IL18R1: variants seen among roughly 807,000 people sequenced by gnomAD.
The protein encoded by IL18R1 is interleukin-18 receptor 1.
Under a neutral mutation model 48.5 loss-of-function variants are expected in IL18R1, and 40 were observed. That is an observed-to-expected ratio of 0.82 (90% confidence interval 0.64 to 1.07). The LOEUF is 1.07. IL18R1 is among the 50% of genes least tolerant of loss of function. The pLI is 0.00. For missense variants in IL18R1, 596 were observed against 633.7 expected, an observed-to-expected ratio of 0.94 and a Z score of 0.64; for synonymous variants, 232 against 225.9, an observed-to-expected ratio of 1.03 and a Z score of -0.24.
At chr2:102,365,017 T>G (rs1286376822) in intron 2 of IL18R1, among the ~76,000 whole-genome samples, 1 of 152,110 alleles carries the variant, frequency 6.6e-6, no homozygotes, top group African/African-American at 2.4e-5. Flanking sequence ...TCAAGATGAT[T>G]TGGGTTGGGG....
At position 102,381,613 on chromosome 2, in the gene IL18R1, C is replaced by T. The variant is rs1326066042; in HGVS notation, c.626-7C>T. 1 of 1,609,972 alleles carries T rather than the reference C, an allele frequency of 6.2e-7. No individual in the cohort carries two copies. ...AATACATTTGTCTTTTCTTTTGTCA[C>T]TTCTAGATCGCAGTAATATAGTTCC... On this transcript the variant is annotated splice_region_variant and splice_polypyrimidine_tract_variant and intron_variant, in intron 5 of 10. Coordinates refer to ENST00000233957, the MANE Select transcript of IL18R1 (RefSeq NM_003855.5).
Position 102,356,355 on chromosome 2 carries a change from G to A in IL18R1, c.-74G>A. ...TCCGCAGTCGCGACCTGGCGTGAAG[G>A]AGGAGCTGCCGCCCCCGCCCCAGCC... is the stretch of plus-strand genomic sequence containing the variant. On this transcript the variant is annotated 5_prime_UTR_variant, in exon 1 of 11. Coordinates refer to ENST00000233957, the MANE Select transcript of IL18R1 (RefSeq NM_003855.5). 4.1e-6 allele frequency: 4 copies of A among 985,288 alleles called. No homozygotes were observed. The highest frequency in any genetic ancestry group is 4.8e-6 in the Non-Finnish European group (4 of 829,914). 61.0% of individuals were successfully genotyped at this position (985,288 alleles called of 1,614,324 possible). A position where few individuals can be genotyped will look rare whatever the true frequency, so the allele number is the denominator to read the frequency against.
At chr2:102,370,155 C>A (rs953753164) in intron 3 of IL18R1, among the ~76,000 whole-genome samples, 2 of 152,116 alleles carry the variant, frequency 1.3e-5, no homozygotes, top group Non-Finnish European at 2.9e-5. Context: ...TCAGTGTTAA[C>A]CCTAGCCTTG....
At chr2:102,391,024 C>G (rs1469456330) in intron 9 of IL18R1, among the ~76,000 whole-genome samples, 1 of 150,720 alleles carries the variant, frequency 6.6e-6, no homozygotes, top group Non-Finnish European at 1.5e-5. Context: ...CAGTTTTTAT[C>G]TGCTACTATG....
Position 102,396,593 on chromosome 2 carries a change from A to C in IL18R1, c.1333A>C (p.Lys445Gln). Residue 445 changes from lysine (K) to glutamine (Q), a missense_variant, in exon 11 of 11, where the codon AAA becomes CAA. Physicochemically the swap from Lys to Gln is moderately conservative, Grantham distance 53. Transcript: ENST00000233957. ...CCGAAGACTAATCATTGTCCTAAGT[A>C]AAAGTTATATGTCTAATGAGGTCAG... is the stretch of plus-strand genomic sequence containing the variant. ...KSRRLIIVLS[K>Q]SYMSNEVRYE... 6.2e-7 allele frequency: 1 copy of C among 1,612,930 alleles called. No individual in the cohort carries two copies. The highest frequency in any genetic ancestry group is 8.5e-7 in the Non-Finnish European group (1 of 1,179,556).
intron 1 of IL18R1, among the ~76,000 whole-genome samples, chr2:102,360,737 G>A (rs768172814): frequency 5.3e-5 from 8 of 152,152 alleles, no homozygotes; most frequent in Admixed American, 2.6e-4. Context: ...TAAGAGTTAC[G>A]GAAAAGCAAA....
rs1190968047 is a variant in IL18R1 at position 102,397,539 on chromosome 2, T to C, written c.*653T>C. ...TGTGGATCTATTTATGGGAACTTCT[T>C]AAAAGGACCCCAGAATAGCTCTTTA... On this transcript the variant is annotated 3_prime_UTR_variant, in exon 11 of 11. Coordinates refer to ENST00000233957, the MANE Select transcript of IL18R1 (RefSeq NM_003855.5). 3.3e-5 allele frequency: 5 copies of C among 152,374 alleles called. 1 individual carries two copies. Among genetic ancestry groups the C allele is most frequent in the Admixed American group, 2.6e-4 (4 of 15,286 alleles). The allele number at this position is 152,374 out of a possible 1,614,324, so 9.4% of individuals were successfully genotyped here.
chr2:102,357,868 G>A (rs56179005), intron 1 of IL18R1, among the ~76,000 whole-genome samples: 26,704 of 152,020 alleles, frequency 0.18, 2,695 homozygotes, highest in African/African-American at 0.27. Context: ...TATTTTGTTT[G>A]TTAGAGTTTA....
intron 2 of IL18R1, among the ~76,000 whole-genome samples, chr2:102,367,326 C>T (rs562721845): frequency 1.3e-5 from 2 of 152,238 alleles, no homozygotes; most frequent in African/African-American, 4.8e-5. Context: ...CCCACACTTA[C>T]CAGGGAATGT....
Position 102,397,251 on chromosome 2 carries a change from G to T in IL18R1, c.*365G>T, listed in dbSNP as rs1379435016. The T allele has an allele frequency of 5.5e-6, 1 of 182,630 alleles. No homozygotes were observed. Among genetic ancestry groups the T allele is most frequent in the Non-Finnish European group, 1.1e-5 (1 of 88,434 alleles). The allele number at this position is 182,630 out of a possible 1,614,324, so 11.3% of individuals were successfully genotyped here. On this transcript the variant is annotated 3_prime_UTR_variant, in exon 11 of 11. Coordinates refer to ENST00000233957, the MANE Select transcript of IL18R1 (RefSeq NM_003855.5). ...CGCATCTTTAAGAGTTTTAATGCCAGTGCTTAATTCGAATGAGGGGATTTT... is the reference window on the plus strand; with the variant it reads ...CGCATCTTTAAGAGTTTTAATGCCATTGCTTAATTCGAATGAGGGGATTTT...
chr2:102,359,141 C>T (rs968524726), intron 1 of IL18R1, among the ~76,000 whole-genome samples: 1 of 151,988 alleles, frequency 6.6e-6, no homozygotes, highest in East Asian at 1.9e-4. Flanking sequence ...GTCAGCAAAC[C>T]GTAGGGGAAA....
At chr2:102,389,019 T>A (rs1363475507) in intron 8 of IL18R1, among the ~76,000 whole-genome samples, 1 of 152,176 alleles carries the variant, frequency 6.6e-6, no homozygotes, top group African/African-American at 2.4e-5. Context: ...TATATGCATG[T>A]ATATATACAC....
intron 1 of IL18R1, among the ~76,000 whole-genome samples, chr2:102,357,464 C>T (rs542675284): frequency 1.3e-5 from 2 of 149,558 alleles, no homozygotes. Flanking sequence ...GCACTCCAGC[C>T]TGGGCGACAG....
chr2:102,373,570 C>T (rs1180429470), intron 4 of IL18R1, among the ~76,000 whole-genome samples: 1 of 151,854 alleles, frequency 6.6e-6, no homozygotes, highest in Non-Finnish European at 1.5e-5. Context: ...ATGTAACAAA[C>T]CTGCACATTC....
chr2:102,376,607 G>T (rs556719225), intron 5 of IL18R1, among the ~76,000 whole-genome samples: 1 of 152,300 alleles, frequency 6.6e-6, no homozygotes, highest in Admixed American at 6.5e-5. Flanking sequence ...GGGTCTTGGA[G>T]GGGGAGCCTC....
chr2:102,391,899 G>A (rs763892497), intron 9 of IL18R1, among the ~76,000 whole-genome samples: 1 of 151,584 alleles, frequency 6.6e-6, no homozygotes, highest in Admixed American at 6.6e-5. Flanking sequence ...GTTCCATGGG[G>A]CAATGGCTTT....
intron 9 of IL18R1, among the ~76,000 whole-genome samples, chr2:102,394,177 C>T (rs1378542614): frequency 1.3e-5 from 2 of 152,080 alleles, no homozygotes; most frequent in South Asian, 2.1e-4. Context: ...CCTTTGGGCT[C>T]TTGGCCTTCT....
At chr2:102,388,050 C>CACAGACACACACAAACATGCAGAG in intron 8 of IL18R1, among the ~76,000 whole-genome samples, 1 of 152,220 alleles carries the variant, frequency 6.6e-6, no homozygotes, top group African/African-American at 2.4e-5. Flanking sequence ...GAGAGATACA[C>CACAGACACACACAAACATGCAGAG]ACAGACACAC....
intron 5 of IL18R1, among the ~76,000 whole-genome samples, chr2:102,378,475 ATTC>A (rs1169967483): frequency 6.6e-6 from 1 of 152,188 alleles, no homozygotes; most frequent in African/African-American, 2.4e-5. Flanking sequence ...AGCACAAGCT[ATTC>A]TTCTCCCATA....
Sources: gnomAD v4.1 joint callset for allele counts (sites outside exome capture counted in the v4.1 genomes callset) on GRCh38, gnomAD v4.1.1 for gene constraint, MANE v1.5 for transcripts, NCBI Gene and HGNC (gene_info 2026-07-23, HGNC 2026-07-21) for gene names.